Variants in ABCB11 observed in about 807,000 individuals in gnomAD.
ABCB11 encodes bile salt export pump.
Under a neutral mutation model 148.0 loss-of-function variants are expected in ABCB11, and 95 were observed. That is an observed-to-expected ratio of 0.64 (90% CI 0.54 to 0.76). The LOEUF (loss-of-function observed/expected upper bound fraction) is 0.76, where lower values mean the gene tolerates loss of function less well. Ranked by LOEUF, ABCB11 falls within the 30% of genes least tolerant of loss-of-function variation. The pLI is 0.00. For synonymous variants in ABCB11, 591 were observed against 555.4 expected (o/e 1.06, Z -0.90); for missense variants, 1,523 against 1,617.8 (o/e 0.94, Z 1.01).
At chr2:168,916,754 T>A (rs1321583349), downstream of ABCB11, among the ~76,000 whole-genome samples, 3 of 152,216 alleles carry the variant, frequency 2.0e-5, no homozygotes, top group African/African-American at 7.2e-5. Flanking sequence ...GGTACACATG[T>A]ATATGTAAAT....
intron 19 of ABCB11, among the ~76,000 whole-genome samples, chr2:168,954,638 C>T (rs1206881009): frequency 6.6e-6 from 1 of 151,454 alleles, no homozygotes; most frequent in South Asian, 2.1e-4. Context: ...ATGCTTTACT[C>T]TTGCTAATTT....
intron 19 of ABCB11, among the ~76,000 whole-genome samples, chr2:168,955,686 C>A (rs1190052785): frequency 2.0e-5 from 3 of 151,634 alleles, no homozygotes; most frequent in Non-Finnish European, 3.0e-5. Context: ...AAAACACAGT[C>A]ATGCCTTCTC....
chr2:169,030,190 TC>T (rs1558937285), intron 1 of ABCB11, among the ~76,000 whole-genome samples: 3 of 152,160 alleles, frequency 2.0e-5, no homozygotes, highest in Non-Finnish European at 4.4e-5. Context: ...TTAGGAGTCA[TC>T]CCCTAATATT....
chr2:168,976,538 G>T, intron 12 of ABCB11, 39 bp downstream of exon 12: 2 of 1,219,992 alleles, frequency 1.6e-6, no homozygotes, highest in Non-Finnish European at 2.3e-6. Context: ...CATCGAAGAA[G>T]AAAACATTTA....
At chr2:168,950,256 T>C (rs979933787) in intron 19 of ABCB11, among the ~76,000 whole-genome samples, 3 of 151,498 alleles carry the variant, frequency 2.0e-5, no homozygotes, top group Non-Finnish European at 4.4e-5. Context: ...ATATATATCC[T>C]ATTAGTTCTG....
chr2:168,941,788 C>A (rs1480024624), intron 21 of ABCB11, among the ~76,000 whole-genome samples: 1 of 151,952 alleles, frequency 6.6e-6, no homozygotes, highest in Non-Finnish European at 1.5e-5. Context: ...GCCAGTCTAA[C>A]CTTCAGCAAC....
At position 169,013,388 on chromosome 2, in the gene ABCB11, A is replaced by C; in HGVS notation, c.273T>G (p.Ile91Met). The part of the protein sequence containing the change: ...LIFGTMTDVF[I>M]DYDVELQELQ... ...GTTCTTGTAACTCAACGTCGTAGTC[A>C]ATAAAAACATCTGTCATTGTGCCAA... The change falls in exon 5 of 28, where the codon ATT (isoleucine) becomes ATG (methionine). Residue 91 changes from isoleucine to methionine, a missense_variant. Transcript: ENST00000650372. 6.2e-7 allele frequency: 1 copy of C among 1,613,868 alleles called. No homozygotes were observed. The highest frequency in any genetic ancestry group is 1.1e-5 in the South Asian group (1 of 91,084).
intron 24 of ABCB11, among the ~76,000 whole-genome samples, chr2:168,931,797 A>G (rs1366296048): frequency 6.6e-6 from 1 of 152,212 alleles, no homozygotes; most frequent in African/African-American, 2.4e-5. Flanking sequence ...CCTTGTTCAA[A>G]TGCCAGCTTT....
chr2:168,995,948 C>A (rs1694698065), intron 6 of ABCB11, among the ~76,000 whole-genome samples: 1 of 103,456 alleles, frequency 9.7e-6, no homozygotes, highest in African/African-American at 3.8e-5. Context: ...CAGCAAAAAT[C>A]TAATCTGCTG....
chr2:169,029,545 G>A (rs1047949713), intron 1 of ABCB11, among the ~76,000 whole-genome samples: 3 of 151,996 alleles, frequency 2.0e-5, no homozygotes, highest in African/African-American at 7.2e-5. Flanking sequence ...CAGCCCTGAG[G>A]GCTATGGCTG....
intron 19 of ABCB11, among the ~76,000 whole-genome samples, chr2:168,950,687 G>T (rs1159509212): frequency 1.3e-5 from 2 of 151,428 alleles, no homozygotes; most frequent in Admixed American, 6.6e-5. Context: ...GCCCTTTGTT[G>T]GATGTAATGT....
At chr2:169,006,833 GCAAT>G in intron 5 of ABCB11, among the ~76,000 whole-genome samples, 3 of 152,218 alleles carry the variant, frequency 2.0e-5, no homozygotes, top group Middle Eastern at 6.8e-3. Context: ...AAAATACGTA[GCAAT>G]CAATTTAACA....
chr2:169,021,491 T>C (rs919283337), intron 1 of ABCB11, among the ~76,000 whole-genome samples: 14 of 152,154 alleles, frequency 9.2e-5, no homozygotes, highest in African/African-American at 3.4e-4. Flanking sequence ...GGATTGTATA[T>C]ACCCAGCAAC....
intron 5 of ABCB11, among the ~76,000 whole-genome samples, chr2:169,003,087 G>C (rs1430241991): frequency 6.6e-6 from 1 of 152,002 alleles, no homozygotes; most frequent in African/African-American, 2.4e-5. Context: ...TGCATCCAGT[G>C]TGTAGTCTTT....
At chr2:169,002,098 G>A (rs941751228) in intron 5 of ABCB11, among the ~76,000 whole-genome samples, 7 of 152,238 alleles carry the variant, frequency 4.6e-5, no homozygotes, top group East Asian at 1.9e-4. Flanking sequence ...AAAAGCAACC[G>A]TAAGAACCCA....
chr2:168,942,255 C>G, intron 21 of ABCB11, among the ~76,000 whole-genome samples: 1 of 151,712 alleles, frequency 6.6e-6, no homozygotes, highest in East Asian at 1.9e-4. Flanking sequence ...AAACTAGAGT[C>G]TTGTTTGTAT....
Position 168,936,264 on chromosome 2 carries a change from G to A in ABCB11, c.2780C>T (p.Ser927Phe). 1 of 1,613,844 alleles carries A rather than the reference G, an allele frequency of 6.2e-7. No individual in the cohort carries two copies. Among genetic ancestry groups the A allele is most frequent in the Non-Finnish European group, 8.5e-7 (1 of 1,179,832 alleles). ...CATCTCCAGGGCCTGCTTATCTCGAGAGGCAAATCCTGTCAACATCCTGGT... is the reference window on the plus strand; with the variant it reads ...CATCTCCAGGGCCTGCTTATCTCGAAAGGCAAATCCTGTCAACATCCTGGT... ...TQTRMLTGFA[S>F]RDKQALEMVG... The change falls in exon 22 of 28, where the codon TCT (serine) becomes TTT (phenylalanine). Residue 927 changes from serine (S) to phenylalanine (F), a missense_variant. Ser to Phe is a radical substitution (Grantham distance 155). Transcript: ENST00000650372.
intron 1 of ABCB11, among the ~76,000 whole-genome samples, chr2:169,028,620 T>A (rs915882884): frequency 1.3e-5 from 2 of 152,052 alleles, no homozygotes; most frequent in South Asian, 2.1e-4. Context: ...GGCCTCATGA[T>A]CCTTACCACT....
Position 168,995,354 on chromosome 2 carries a change from G to A in ABCB11, c.606C>T (p.Phe202=), listed in dbSNP as rs1385424225. 1 of 1,611,408 alleles carries A rather than the reference G, an allele frequency of 6.2e-7. No homozygotes were observed. Among genetic ancestry groups the A allele is most frequent in the Non-Finnish European group, 8.5e-7 (1 of 1,178,534 alleles). The change falls in exon 7 of 28, where the codon TTC becomes TTT. Residue 202 remains phenylalanine, a synonymous_variant. Transcript: ENST00000650372. The part of the protein sequence containing the change: ...CNSVGELNTR[F]SDDINKINDA... ...CTGTTTTACCAGCTACTTACTCAGAGAATCTTGTATTCAGCTCCCCCACTG... is the reference window on the plus strand; with the variant it reads ...CTGTTTTACCAGCTACTTACTCAGAAAATCTTGTATTCAGCTCCCCCACTG...
Sources: gnomAD v4.1 joint callset for allele counts (sites outside exome capture counted in the v4.1 genomes callset) on GRCh38, gnomAD v4.1.1 for gene constraint, MANE v1.5 for transcripts, NCBI Gene and HGNC (gene_info 2026-07-23, HGNC 2026-07-21) for gene names.